GRM1: variants seen among roughly 807,000 people sequenced by gnomAD.
GRM1 encodes the protein glutamate metabotropic receptor 1, also known as metabotropic glutamate receptor 1.
A neutral mutation model predicts 90.9 loss-of-function variants in GRM1; 33 were observed. The observed-to-expected ratio is 0.36, with a 90% CI of 0.28 to 0.49. GRM1 has a LOEUF of 0.49. GRM1 is among the 20% of genes least tolerant of loss of function. The probability of loss-of-function intolerance (pLI) is 0.99; values close to 1 mark genes in which losing one functional copy is unlikely to be tolerated. For synonymous variants in GRM1, 700 were observed against 613.2 expected (o/e 1.14, Z -2.09); for missense variants, 1,190 against 1,534.3 (o/e 0.78, Z 3.75).
chr6:146,433,491 A>T (rs528588261), intron 7 of GRM1, among the ~76,000 whole-genome samples: 21 of 151,130 alleles, frequency 1.4e-4, no homozygotes, highest in Admixed American at 1.1e-3. Context: ...TTTTTTTTTT[A>T]AAGTTTTCCT....
Position 146,310,656 on chromosome 6 carries a change from AG to A in GRM1, c.1186+5812del, listed in dbSNP as rs1391010956. ...CTTACCATTTATTAACTCTAAGTTT[AG>A]GCCTTAAGAGACTTGACCTACTCTC... On this transcript the variant is annotated intron_variant, in intron 3 of 7. Coordinates refer to ENST00000282753, the MANE Select transcript of GRM1 (RefSeq NM_001278064.2). Among the ~76,000 whole-genome samples the A allele has an allele frequency of 3.3e-5, 5 of 152,336 alleles. No individual in the cohort carries two copies. The South Asian group carries it at 1.0e-3, about 32-fold the overall frequency.
intron 1 of GRM1, among the ~76,000 whole-genome samples, chr6:146,092,124 AT>A (rs1417496317): frequency 6.6e-6 from 1 of 152,112 alleles, no homozygotes; most frequent in Non-Finnish European, 1.5e-5. Flanking sequence ...TTTATTTGTC[AT>A]AGTTTTAGAG....
At chr6:146,204,627 A>G (rs1583161655) in intron 2 of GRM1, among the ~76,000 whole-genome samples, 1 of 152,354 alleles carries the variant, frequency 6.6e-6, no homozygotes, top group Admixed American at 6.5e-5. Flanking sequence ...CTTGAAATTT[A>G]TGATGATTCA....
intron 2 of GRM1, among the ~76,000 whole-genome samples, chr6:146,235,701 C>T (rs1422381762): frequency 9.7e-6 from 1 of 102,858 alleles, no homozygotes; most frequent in Non-Finnish European, 2.1e-5. Context: ...TCTCTGTTAC[C>T]GTGTGTGTGT....
chr6:146,075,024 A>G (rs940781898), intron 1 of GRM1, among the ~76,000 whole-genome samples: 3 of 152,174 alleles, frequency 2.0e-5, no homozygotes, highest in Admixed American at 2.0e-4. Context: ...AATGAGGATC[A>G]ATTTTCCAGA....
chr6:146,140,978 C>T (rs1057378868), intron 1 of GRM1, among the ~76,000 whole-genome samples: 1 of 152,136 alleles, frequency 6.6e-6, no homozygotes, highest in Non-Finnish European at 1.5e-5. Flanking sequence ...AGCTTTGCAC[C>T]TTCAGATCGT....
At chr6:146,151,417 G>A (rs1376471501) in intron 1 of GRM1, among the ~76,000 whole-genome samples, 1 of 152,190 alleles carries the variant, frequency 6.6e-6, no homozygotes, top group Non-Finnish European at 1.5e-5. Context: ...AGTGCTACAT[G>A]ATGGCTGAAA....
chr6:146,389,290 G>T (rs362850), intron 6 of GRM1, among the ~76,000 whole-genome samples: 1 of 151,796 alleles, frequency 6.6e-6, no homozygotes, highest in African/African-American at 2.4e-5. Context: ...GAGGTACAAA[G>T]ATTTTTCTCT....
intron 1 of GRM1, among the ~76,000 whole-genome samples, chr6:146,067,477 A>T (rs1231704515): frequency 6.6e-6 from 1 of 152,164 alleles, no homozygotes; most frequent in Non-Finnish European, 1.5e-5. Context: ...ATCCTTCTGA[A>T]ATCTTTAAAT....
chr6:146,072,299 A>C (rs1776041728), intron 1 of GRM1, among the ~76,000 whole-genome samples: 2 of 152,064 alleles, frequency 1.3e-5, no homozygotes, highest in Non-Finnish European at 2.9e-5. Flanking sequence ...GAGCTGTAAC[A>C]TTTCCTAATA....
chr6:146,115,707 A>AT (rs1175631989), intron 1 of GRM1, among the ~76,000 whole-genome samples: 1 of 151,880 alleles, frequency 6.6e-6, no homozygotes, highest in Non-Finnish European at 1.5e-5. Flanking sequence ...TGAAGTGGAG[A>AT]TTTTTCATAG....
chr6:146,046,721 TA>T (rs1417969374), intron 1 of GRM1, among the ~76,000 whole-genome samples: 1 of 152,016 alleles, frequency 6.6e-6, no homozygotes, highest in Non-Finnish European at 1.5e-5. Flanking sequence ...CAAATATATG[TA>T]AAAAATTATC....
chr6:146,076,202 C>T (rs372201284), intron 1 of GRM1, among the ~76,000 whole-genome samples: 20 of 152,114 alleles, frequency 1.3e-4, no homozygotes, highest in Non-Finnish European at 2.1e-4. Context: ...GTCGAATAGA[C>T]GGCATGAAGT....
At chr6:146,209,597 T>A in intron 2 of GRM1, among the ~76,000 whole-genome samples, 1 of 151,986 alleles carries the variant, frequency 6.6e-6, no homozygotes, top group East Asian at 1.9e-4. Context: ...TCATGGAAAA[T>A]GGTTTGGAGG....
intron 2 of GRM1, among the ~76,000 whole-genome samples, chr6:146,174,976 G>T (rs1015770382): frequency 6.6e-6 from 1 of 152,210 alleles, no homozygotes; most frequent in Admixed American, 6.5e-5. Context: ...CTTCCCTGAG[G>T]TGGGGGGCGG....
chr6:146,226,536 C>A (rs914356890), intron 2 of GRM1, among the ~76,000 whole-genome samples: 1 of 152,120 alleles, frequency 6.6e-6, no homozygotes, highest in Non-Finnish European at 1.5e-5. Flanking sequence ...TGGAGTAACA[C>A]AATGCCTGCT....
intron 7 of GRM1, among the ~76,000 whole-genome samples, chr6:146,414,342 C>A (rs1001498014): frequency 6.7e-6 from 1 of 149,982 alleles, no homozygotes; most frequent in African/African-American, 2.5e-5. Flanking sequence ...AAATATCTAT[C>A]CAAATTCTTT....
chr6:146,195,803 G>A (rs969026655), intron 2 of GRM1, among the ~76,000 whole-genome samples: 3 of 152,164 alleles, frequency 2.0e-5, no homozygotes, highest in African/African-American at 7.2e-5. Flanking sequence ...ATAGAAAGGA[G>A]CTGGATAGTG....
intron 1 of GRM1, among the ~76,000 whole-genome samples, chr6:146,116,113 G>T (rs1354976243): frequency 2.0e-5 from 3 of 151,940 alleles, no homozygotes; most frequent in Admixed American, 1.3e-4. Context: ...GTGATGCTTG[G>T]CTAATTTTTG....
Sources: allele counts gnomAD v4.1 joint callset (sites outside exome capture counted in the v4.1 genomes callset), GRCh38; gene constraint gnomAD v4.1.1; transcripts MANE v1.5; gene names NCBI Gene and HGNC (gene_info 2026-07-23, HGNC 2026-07-21).